Variants in TMTC2 observed in about 807,000 individuals in gnomAD.
TMTC2 encodes protein O-mannosyl-transferase TMTC2.
In TMTC2, 43 loss-of-function variants were observed where a neutral mutation model predicts 82.4. The ratio of observed to expected loss-of-function variants is 0.52; its 90% confidence interval spans 0.41 to 0.67. The LOEUF is 0.67. TMTC2 is among the 30% of genes least tolerant of loss of function. TMTC2 has a pLI of 0.00. For synonymous variants in TMTC2, 408 were observed against 381.9 expected, an observed-to-expected ratio of 1.07 and a Z score of -0.80; for missense variants, 919 against 1,012.4, an observed-to-expected ratio of 0.91 and a Z score of 1.25.
chr12:82,888,970 T>C (rs1158129765), intron 2 of TMTC2, among the ~76,000 whole-genome samples: 1 of 152,094 alleles, frequency 6.6e-6, no homozygotes, highest in African/African-American at 2.4e-5. Flanking sequence ...CTTCAATAAA[T>C]AACAAATATA....
At chr12:82,737,429 A>G (rs1875182481) in intron 1 of TMTC2, among the ~76,000 whole-genome samples, 1 of 152,204 alleles carries the variant, frequency 6.6e-6, no homozygotes. Context: ...TATTCAAAGC[A>G]TCTGTCTTGT....
intron 1 of TMTC2, among the ~76,000 whole-genome samples, chr12:82,835,828 A>C (rs1214390341): frequency 6.6e-6 from 1 of 151,974 alleles, no homozygotes; most frequent in Non-Finnish European, 1.5e-5. Flanking sequence ...TGACCCCCTT[A>C]TGCCCCCACT....
intron 11 of TMTC2, among the ~76,000 whole-genome samples, chr12:83,100,901 A>T (rs1486383961): frequency 2.6e-5 from 4 of 152,208 alleles, no homozygotes; most frequent in Non-Finnish European, 4.4e-5. Flanking sequence ...CATGGCACTA[A>T]CAACACATCC....
At chr12:82,826,231 T>C in intron 1 of TMTC2, among the ~76,000 whole-genome samples, 1 of 152,344 alleles carries the variant, frequency 6.6e-6, no homozygotes, top group African/African-American at 2.4e-5. Context: ...TATCCGGTAC[T>C]CATCCTGGTG....
intron 8 of TMTC2, among the ~76,000 whole-genome samples, chr12:83,016,882 T>C (rs1200069536): frequency 6.6e-6 from 1 of 152,112 alleles, no homozygotes. Flanking sequence ...TTTTAGGGCT[T>C]TTTATGGGGA....
chr12:82,871,744 C>T (rs984209138), intron 2 of TMTC2, among the ~76,000 whole-genome samples: 2 of 146,712 alleles, frequency 1.4e-5, no homozygotes, highest in African/African-American at 2.5e-5. Context: ...CATGCTTGTG[C>T]ATTTCATTTA....
intron 1 of TMTC2, among the ~76,000 whole-genome samples, chr12:82,807,062 G>T (rs1265406946): frequency 6.6e-6 from 1 of 152,070 alleles, no homozygotes; most frequent in Non-Finnish European, 1.5e-5. Context: ...GAATTGATAT[G>T]TTGATCTTTA....
intron 8 of TMTC2, among the ~76,000 whole-genome samples, chr12:82,997,346 G>GTATATATATA (rs1221254720): frequency 4.1e-4 from 12 of 29,176 alleles, no homozygotes; most frequent in African/African-American, 9.7e-4. Context: ...GTGTGTGTGT[G>GTATATATATA]TGTATATATA....
intron 2 of TMTC2, among the ~76,000 whole-genome samples, chr12:82,868,101 A>G (rs1342715508): frequency 6.6e-6 from 1 of 152,202 alleles, no homozygotes; most frequent in African/African-American, 2.4e-5. Context: ...TGTGTTAAGT[A>G]TGAATATAGT....
chr12:83,044,905 T>C (rs1214380679), intron 9 of TMTC2, among the ~76,000 whole-genome samples: 1 of 152,214 alleles, frequency 6.6e-6, no homozygotes. Context: ...TATGTAGAAT[T>C]TTTACAAAGC....
At position 82,965,657 on chromosome 12, in the gene TMTC2, C is replaced by T. The variant is rs763097821; in HGVS notation, c.1782C>T (p.Asn594=). ...FLKCSEIPDE[N]LKDPHAHKSS... is the part of the protein sequence containing the mutation. ...AGTGTTCGGAGATCCCAGATGAAAACCTAAAGGACCCTCATGCACACAAGA... is the reference window on the plus strand; with the variant it reads ...AGTGTTCGGAGATCCCAGATGAAAATCTAAAGGACCCTCATGCACACAAGA... Residue 594 remains asparagine, a synonymous_variant, in exon 6 of 12, where the codon AAC becomes AAT. Transcript: ENST00000321196. 1 of 1,613,784 alleles carries T rather than the reference C, an allele frequency of 6.2e-7. No individual in the cohort carries two copies. Among genetic ancestry groups the T allele is most frequent in the Admixed American group, 1.7e-5 (1 of 59,992 alleles).
At chr12:82,779,047 A>T (rs1333004655) in intron 1 of TMTC2, among the ~76,000 whole-genome samples, 1 of 151,272 alleles carries the variant, frequency 6.6e-6, no homozygotes, top group African/African-American at 2.4e-5. Flanking sequence ...AAAAAAAAAA[A>T]AAAAAAAAAT....
chr12:82,735,415 G>A (rs1171825341), intron 1 of TMTC2, among the ~76,000 whole-genome samples: 1 of 150,330 alleles, frequency 6.7e-6, no homozygotes, highest in African/African-American at 2.4e-5. Flanking sequence ...GCGCGATCTC[G>A]GCTCACTGCA....
chr12:82,847,710 C>T (rs1488536387), intron 1 of TMTC2, among the ~76,000 whole-genome samples: 1 of 151,950 alleles, frequency 6.6e-6, no homozygotes, highest in Non-Finnish European at 1.5e-5. Flanking sequence ...AAACCAAATA[C>T]CGCATGTTCT....
chr12:83,126,455 C>T (rs560030729), intron 11 of TMTC2, among the ~76,000 whole-genome samples: 31 of 152,166 alleles, frequency 2.0e-4, no homozygotes, highest in African/African-American at 6.0e-4. Context: ...TTTAGTCATA[C>T]GTTTCTTTAT....
At chr12:82,859,291 C>T (rs1166399362) in intron 2 of TMTC2, among the ~76,000 whole-genome samples, 1 of 152,096 alleles carries the variant, frequency 6.6e-6, no homozygotes, top group Non-Finnish European at 1.5e-5. Context: ...TGGTCTCGAT[C>T]TCTTGACCTC....
At chr12:83,124,072 C>T (rs1030924400) in intron 11 of TMTC2, among the ~76,000 whole-genome samples, 2 of 152,144 alleles carry the variant, frequency 1.3e-5, no homozygotes, top group African/African-American at 4.8e-5. Context: ...ATAACAGTTT[C>T]ACCTCCCTCT....
At chr12:82,852,124 TG>T (rs1871007915) in intron 1 of TMTC2, among the ~76,000 whole-genome samples, 1 of 148,960 alleles carries the variant, frequency 6.7e-6, no homozygotes, top group African/African-American at 2.5e-5. Flanking sequence ...TTTTTGGAGA[TG>T]GAGTCTCGCT....
chr12:82,937,993 C>A (rs1028688804), intron 4 of TMTC2, among the ~76,000 whole-genome samples: 2 of 148,494 alleles, frequency 1.3e-5, no homozygotes, highest in African/African-American at 5.0e-5. Flanking sequence ...CAGCTCACTG[C>A]AACCTCCACA....
Sources: allele counts gnomAD v4.1 joint callset (sites outside exome capture counted in the v4.1 genomes callset), GRCh38; gene constraint gnomAD v4.1.1; transcripts MANE v1.5; gene names NCBI Gene and HGNC (gene_info 2026-07-23, HGNC 2026-07-21).